The following CTSF variants were observed in gnomAD, a reference collection of about 807,000 sequenced individuals.
CTSF encodes the protein cathepsin F.
Under a neutral mutation model 63.5 loss-of-function variants are expected in CTSF, and 65 were observed. That is an observed-to-expected ratio of 1.02 (90% confidence interval 0.84 to 1.26). CTSF has a LOEUF of 1.26. Ranked by LOEUF, CTSF falls within the 50% of genes most tolerant of loss-of-function variation. CTSF has a pLI of 0.00. For synonymous variants in CTSF, 256 were observed against 258.1 expected (o/e 0.99, Z 0.08); for missense variants, 641 against 631.0 (o/e 1.02, Z -0.17).
Position 66,566,174 on chromosome 11 carries a change from G to A in CTSF, c.722-7C>T, listed in dbSNP as rs1857927664. The A allele has an allele frequency of 1.2e-6, 2 of 1,613,876 alleles. No individual in the cohort carries two copies. Among genetic ancestry groups the A allele is most frequent in the Non-Finnish European group, 8.5e-7 (1 of 1,179,992 alleles). On this transcript the variant is annotated splice_polypyrimidine_tract_variant and splice_region_variant and intron_variant, in intron 5 of 12. Coordinates refer to ENST00000310325, the MANE Select transcript of CTSF (RefSeq NM_003793.4). ...ATAGTGCGGAACTCCTCCTCTGCGG[G>A]CAAAGGTGGGCAGGGCATGGGGAGG... is the stretch of plus-strand genomic sequence containing the variant.
Position 66,565,875 on chromosome 11 carries a change from T to C in CTSF, c.920A>G (p.Gln307Arg). The C allele has an allele frequency of 6.2e-7, 1 of 1,614,048 alleles. No homozygotes were observed. The highest frequency in any genetic ancestry group is 8.5e-7 in the Non-Finnish European group (1 of 1,180,024). ...AFSVTGNVEG[Q>R]WFLNQGTLLS... is the part of the protein sequence containing the mutation. Reference sequence around the variant, plus strand: ...CAGGGTCCCCTGGTTGAGAAACCACTGGCCCTCCACATTGCCTGTGACTGA... The same window carrying C: ...CAGGGTCCCCTGGTTGAGAAACCACCGGCCCTCCACATTGCCTGTGACTGA... Residue 307 changes from glutamine (Q) to arginine (R), a missense_variant, in exon 7 of 13, where the codon CAG becomes CGG. Gln to Arg is a conservative substitution (Grantham distance 43). Transcript: ENST00000310325.
rs1202365003 is a variant in CTSF at position 66,564,899 on chromosome 11, G to T, written c.1153C>A (p.Gln385Lys). ...VYINDSVELS[Q>K]NEQKLAAWLA... ...GCCCCTCACTCACTCTGCTCGTTCT[G>T]GCTCAGCTCCACGGAGTCATTGATG... The change falls in exon 9 of 13, where the codon CAG (glutamine) becomes AAG (lysine). Residue 385 changes from glutamine (Q) to lysine (K), a missense_variant. Physicochemically the swap from Gln to Lys is moderately conservative, Grantham distance 53 (BLOSUM62 1). Transcript: ENST00000310325. 1 of 1,612,190 alleles carries T rather than the reference G, an allele frequency of 6.2e-7. No homozygotes were observed. Among genetic ancestry groups the T allele is most frequent in the Non-Finnish European group, 8.5e-7 (1 of 1,178,554 alleles).
At position 66,568,380 on chromosome 11, in the gene CTSF, G is replaced by C. The variant is rs1857985248; in HGVS notation, c.107C>G (p.Ser36Cys). ...AASFQAWGPP[S>C]PELLAPTRFA... ...GCGGGTGGGCGCCAGCAGCTCCGGG[G>C]ACGGCGGCCCCCAGGCCTGAAAGCT... The change falls in exon 1 of 13, where the codon TCC becomes TGC. Residue 36 changes from serine to cysteine, a missense_variant. Transcript: ENST00000310325. 7.7e-7 allele frequency: 1 copy of C among 1,306,912 alleles called. No homozygotes were observed. Among genetic ancestry groups the C allele is most frequent in the East Asian group, 3.1e-5 (1 of 31,894 alleles). 81.0% of individuals were successfully genotyped at this position (1,306,912 alleles called of 1,614,324 possible).
Position 66,566,348 on chromosome 11 carries a change from G to A in CTSF, c.664C>T (p.Gln222Ter), listed in dbSNP as rs766762684. The A allele has an allele frequency of 1.9e-6, 3 of 1,614,176 alleles. No individual in the cohort carries two copies. Among genetic ancestry groups the A allele is most frequent in the Non-Finnish European group, 1.7e-6 (2 of 1,180,038 alleles). ...TGAGCTGTGCCACGGTCCAGGGCCT[G>A]GATCTTCTGTGCTCGCACCATGTTA... is the stretch of plus-strand genomic sequence containing the variant. ...VNNMVRAQKI[Q>*]ALDRGTAQYG... Residue 222 changes from glutamine (Q) to a stop codon, truncating the protein, a stop_gained, in exon 5 of 13, where the codon CAG becomes TAG. Coordinates refer to ENST00000310325, the MANE Select transcript of CTSF (RefSeq NM_003793.4). LOFTEE classifies it high-confidence loss of function.
chr11:66,565,226 G>GAACTC (rs1857903506), intron 8 of CTSF, among the ~76,000 whole-genome samples: 4 of 152,286 alleles, frequency 2.6e-5, no homozygotes, highest in Admixed American at 2.0e-4. Flanking sequence ...GGCAGAGACA[G>GAACTC]AACTCAACTC....
chr11:66,563,881 T>C lies in CTSF; in HGVS notation c.*52A>G. The C allele has an allele frequency of 6.2e-7, 1 of 1,606,826 alleles. No individual in the cohort carries two copies. Among genetic ancestry groups the C allele is most frequent in the Admixed American group, 1.7e-5 (1 of 59,818 alleles). On this transcript the variant is annotated 3_prime_UTR_variant, in exon 13 of 13. Coordinates refer to ENST00000310325, the MANE Select transcript of CTSF (RefSeq NM_003793.4). ...GGAGGGGCCTGGACACATGTCAGGC[T>C]GGGGCAGCAGCCACTCTGATCAGCA...
At chr11:66,564,248 G>T in intron 11 of CTSF, 102 bp from the exon 12 acceptor site, 3 of 1,390,990 alleles carry the variant, frequency 2.2e-6, no homozygotes, top group South Asian at 2.5e-5. Flanking sequence ...CCTACTGTGT[G>T]ACAGGGACTA....
chr11:66,567,556 G>C lies in CTSF; in HGVS notation c.419C>G (p.Ala140Gly). 6.2e-7 allele frequency: 1 copy of C among 1,614,224 alleles called. No homozygotes were observed. The highest frequency in any genetic ancestry group is 8.5e-7 in the Non-Finnish European group (1 of 1,180,030). Reference sequence around the variant, plus strand: ...AATCATGGCTGAGCCCTGAGTGAAGGCTGACTTGGGCTCCCCAGCACCTGG... The same window carrying C: ...AATCATGGCTGAGCCCTGAGTGAAGCCTGACTTGGGCTCCCCAGCACCTGG... ...KVPGAGEPKS[A>G]FTQGSAMISS... Residue 140 changes from alanine (A) to glycine (G), a missense_variant, in exon 3 of 13, where the codon GCC (alanine) becomes GGC (glycine). Ala to Gly is a moderately conservative substitution (Grantham distance 60). Coordinates refer to ENST00000310325, the MANE Select transcript of CTSF (RefSeq NM_003793.4).
Position 66,564,251 on chromosome 11 carries a change from A to C in CTSF, c.1322-105T>G, listed in dbSNP as rs17147739. 4,489 of 1,378,544 alleles carry C rather than the reference A, an allele frequency of 3.3e-3. 91 individuals are homozygous for C. In the African/African-American group the frequency reaches 0.047, roughly 14 times the overall value. 85.4% of individuals were successfully genotyped at this position (1,378,544 alleles called of 1,614,324 possible). On this transcript the variant is annotated intron_variant, in intron 11 of 12. Coordinates refer to ENST00000310325, the MANE Select transcript of CTSF (RefSeq NM_003793.4). ...ACTTGCACTGGGCCTACTGTGTGAC[A>C]GGGACTAGGAAAAGAGCAGAAAGCG...
chr11:66,565,687 C>A lies in CTSF; in HGVS notation c.1029G>T (p.Ser343=), dbSNP rs774742010. 1.9e-6 allele frequency: 3 copies of A among 1,613,404 alleles called. No homozygotes were observed. The change falls in exon 8 of 13, where the codon TCG becomes TCT. Residue 343 remains serine (S), a synonymous_variant. Transcript: ENST00000310325. ...CMGGLPSNAY[S]AIKNLGGLET... Reference sequence around the variant, plus strand: ...AATGCATACCCAAATTCTTTATGGCCGAGTAGGCATTGGAGGGCAAGCCGC... The same window carrying A: ...AATGCATACCCAAATTCTTTATGGCAGAGTAGGCATTGGAGGGCAAGCCGC...
Position 66,564,796 on chromosome 11 carries a change from G to A in CTSF, c.1176C>T (p.Ala392=). 6.2e-7 allele frequency: 1 copy of A among 1,614,118 alleles called. No homozygotes were observed. Among genetic ancestry groups the A allele is most frequent in the Non-Finnish European group, 8.5e-7 (1 of 1,180,012 alleles). ...ELSQNEQKLA[A]WLAKRGPISV... The stretch of plus-strand genomic sequence containing the variant: ...AGATTGGGCCTCTCTTGGCCAGCCA[G>A]GCTGCCAGCTCTGAGATGGGAAGGG... Residue 392 remains alanine, a synonymous_variant, in exon 10 of 13, where the codon GCC becomes GCT. Coordinates refer to ENST00000310325, the MANE Select transcript of CTSF (RefSeq NM_003793.4).
intron 11 of CTSF, 119 bp from the exon 12 acceptor site, chr11:66,564,265 G>C (rs927094585): frequency 1.4e-5 from 19 of 1,317,412 alleles, no homozygotes; most frequent in Non-Finnish European, 1.7e-5. Flanking sequence ...ACTAGGAAAA[G>C]AGCAGAAAGC....
chr11:66,566,391 G>GCGC lies in CTSF; in HGVS notation c.618_620dup (p.Arg207dup), dbSNP rs1203074947. On this transcript the variant is annotated inframe_insertion, in exon 5 of 13. Coordinates refer to ENST00000310325, the MANE Select transcript of CTSF (RefSeq NM_003793.4). ...CCATGTTATTGACAAAGACGGACAG[G>GCGC]CGCCACCGGGCTTCTGAGGACCAAG... 1 of 1,613,898 alleles carries GCGC rather than the reference G, an allele frequency of 6.2e-7. No individual in the cohort carries two copies. The highest frequency in any genetic ancestry group is 1.3e-5 in the African/African-American group (1 of 74,916).
At position 66,564,897 on chromosome 11, in the gene CTSF, C is replaced by G; in HGVS notation, c.1155G>C (p.Gln385His). 1 of 1,612,266 alleles carries G rather than the reference C, an allele frequency of 6.2e-7. No homozygotes were observed. The highest frequency in any genetic ancestry group is 8.5e-7 in the Non-Finnish European group (1 of 1,178,620). ...CTGCCCCTCACTCACTCTGCTCGTTCTGGCTCAGCTCCACGGAGTCATTGA... is the reference window on the plus strand; with the variant it reads ...CTGCCCCTCACTCACTCTGCTCGTTGTGGCTCAGCTCCACGGAGTCATTGA... ...VYINDSVELSQNEQKLAAWLA... is the reference protein window; with the variant it reads ...VYINDSVELSHNEQKLAAWLA... Residue 385 changes from glutamine to histidine, a missense_variant, in exon 9 of 13, where the codon CAG (glutamine) becomes CAC (histidine). Gln to His is a conservative substitution (Grantham distance 24). Transcript: ENST00000310325.
rs148080813 is a variant in CTSF, at chr11:66,564,919, T to C, written c.1133A>G (p.Asn378Ser). 2.1e-4 allele frequency: 345 copies of C among 1,609,956 alleles called. 1 individual carries two copies. Among genetic ancestry groups the C allele is most frequent in the Non-Finnish European group, 2.7e-4 (313 of 1,177,010 alleles). ...FSAEKAKVYI[N>S]DSVELSQNEQ... ...GTTCTGGCTCAGCTCCACGGAGTCA[T>C]TGATGTAGACCTTGGCCTTCTCTGC... The change falls in exon 9 of 13, where the codon AAT becomes AGT. Residue 378 changes from asparagine (N) to serine (S), a missense_variant. Coordinates refer to ENST00000310325, the MANE Select transcript of CTSF (RefSeq NM_003793.4).
chr11:66,564,228 T>C, intron 11 of CTSF, 82 bp from the exon 12 acceptor site: 4 of 1,484,294 alleles, frequency 2.7e-6, no homozygotes, highest in Non-Finnish European at 3.7e-6. Context: ...CTTCAAATAC[T>C]TGCACTGGGC....
rs2134952859 is a variant in CTSF, at chr11:66,566,169, T to C, written c.722-2A>G. On this transcript the variant is annotated splice_acceptor_variant, in intron 5 of 12. Transcript: ENST00000310325. LOFTEE classifies it high-confidence loss of function. Reference sequence around the variant, plus strand: ...GGTAGATAGTGCGGAACTCCTCCTCTGCGGGCAAAGGTGGGCAGGGCATGG... The same window carrying C: ...GGTAGATAGTGCGGAACTCCTCCTCCGCGGGCAAAGGTGGGCAGGGCATGG... 6.2e-7 allele frequency: 1 copy of C among 1,614,098 alleles called. No homozygotes were observed. Among genetic ancestry groups the C allele is most frequent in the Non-Finnish European group, 8.5e-7 (1 of 1,180,008 alleles).
intron 4 of CTSF, among the ~76,000 whole-genome samples, chr11:66,566,827 G>A: frequency 6.6e-6 from 1 of 151,910 alleles, no homozygotes; most frequent in East Asian, 1.9e-4. Context: ...AGGTTCAAGT[G>A]ATTTTCCTGC....
Position 66,568,060 on chromosome 11 carries a change from GA to G in CTSF, c.235del (p.Ser79ProfsTer69), listed in dbSNP as rs1419861357. 1 of 1,603,784 alleles carries G rather than the reference GA, an allele frequency of 6.2e-7. No homozygotes were observed. Among genetic ancestry groups the G allele is most frequent in the East Asian group, 2.2e-5 (1 of 44,454 alleles). Reference sequence around the variant, plus strand: ...TGGCTCCTCCAGGGTGGCCTCCAGGGAGTACAGCGACCCCTGACCCGCCTGG... The same window carrying G: ...TGGCTCCTCCAGGGTGGCCTCCAGGGGTACAGCGACCCCTGACCCGCCTGG... ...VRRAGQGSLY[S>X]LEATLEEPPC... On this transcript the variant is annotated frameshift_variant, in exon 2 of 13. Transcript: ENST00000310325. LOFTEE classifies it high-confidence loss of function.
Sources: allele counts gnomAD v4.1 joint callset (sites outside exome capture counted in the v4.1 genomes callset), GRCh38; gene constraint gnomAD v4.1.1; transcripts MANE v1.5; gene names NCBI Gene and HGNC (gene_info 2026-07-23, HGNC 2026-07-21).